DNAH11: variants seen among roughly 807,000 people sequenced by gnomAD.
DNAH11 encodes dynein axonemal heavy chain 11.
In DNAH11, 442 loss-of-function variants were observed where a neutral mutation model predicts 526.0. That is an observed-to-expected ratio of 0.84 (90% CI 0.78 to 0.91). DNAH11 has a LOEUF of 0.91. Among genes scored for constraint, DNAH11 ranks in the 40% least tolerant of loss-of-function variants. DNAH11 has a pLI of 0.00. For synonymous variants in DNAH11, 2,461 were observed against 1,935.9 expected, an observed-to-expected ratio of 1.27 and a Z score of -7.12; for missense variants, 6,989 against 5,448.7, an observed-to-expected ratio of 1.28 and a Z score of -8.90.
chr7:21,649,260 A>G (rs1303579549), intron 28 of DNAH11, among the ~76,000 whole-genome samples: 2 of 152,236 alleles, frequency 1.3e-5, no homozygotes, highest in Non-Finnish European at 2.9e-5. Context: ...AATATATCAT[A>G]CATTTTTATC....
intron 56 of DNAH11, among the ~76,000 whole-genome samples, chr7:21,776,224 C>T (rs1228761497): frequency 6.6e-6 from 1 of 152,112 alleles, no homozygotes; most frequent in African/African-American, 2.4e-5. Context: ...TGTAAAGACA[C>T]AAGACATCTT....
Position 21,735,759 on chromosome 7 carries a change from A to T in DNAH11, c.7560A>T (p.Val2520=), listed in dbSNP as rs765582248. 6.2e-7 allele frequency: 1 copy of T among 1,614,018 alleles called. No individual in the cohort carries two copies. The highest frequency in any genetic ancestry group is 1.3e-5 in the African/African-American group (1 of 75,066). The change falls in exon 46 of 82, where the codon GTA becomes GTT. Residue 2520 remains valine, a synonymous_variant. Coordinates refer to ENST00000409508, the MANE Select transcript of DNAH11 (RefSeq NM_001277115.2). ...CAGGAGTGGGAAAAACAGTCTTTGT[A>T]GGTGACACATTGGCAAGTCTCTCTG... The part of the protein sequence containing the change: ...GNAGVGKTVF[V]GDTLASLSED...
intron 70 of DNAH11, among the ~76,000 whole-genome samples, chr7:21,864,938 A>G (rs1783216604): frequency 6.6e-6 from 1 of 152,228 alleles, no homozygotes; most frequent in African/African-American, 2.4e-5. Flanking sequence ...ATACAAATGA[A>G]TATTTTTAAA....
At position 21,598,747 on chromosome 7, in the gene DNAH11, C is replaced by T. The variant is rs1784959989; in HGVS notation, c.2668-1040C>T. Among the ~76,000 whole-genome samples, 11 of 152,266 alleles carry T rather than the reference C, an allele frequency of 7.2e-5. 1 individual carries two copies. The South Asian group carries it at 2.3e-3, about 32-fold the overall frequency. On this transcript the variant is annotated intron_variant, in intron 14 of 81. Transcript: ENST00000409508. The stretch of plus-strand genomic sequence containing the variant: ...ATCCTCTCCCTCCTTCCAATCCTTA[C>T]CCTCCTTTAGATCCCAGTGTGTGTT...
chr7:21,674,571 C>T (rs1040251320), intron 30 of DNAH11, among the ~76,000 whole-genome samples: 3 of 152,130 alleles, frequency 2.0e-5, no homozygotes, highest in Non-Finnish European at 2.9e-5. Context: ...CCATGTTGAC[C>T]AGGCCTGTAA....
At chr7:21,892,746 A>C in intron 77 of DNAH11, 79 bp downstream of exon 77, 2 of 1,441,866 alleles carry the variant, frequency 1.4e-6, no homozygotes, top group South Asian at 2.9e-5. Context: ...TTAATTGTGC[A>C]AATCAATAAG....
At chr7:21,619,785 T>G (rs770028120) in intron 24 of DNAH11, among the ~76,000 whole-genome samples, 171 bp from the exon 25 acceptor site, 19 of 152,188 alleles carry the variant, frequency 1.2e-4, no homozygotes, top group Non-Finnish European at 2.4e-4. Flanking sequence ...GTGATAAAAT[T>G]CATTCTTCAA....
intron 2 of DNAH11, among the ~76,000 whole-genome samples, chr7:21,553,205 C>G (rs1287289683): frequency 1.3e-5 from 2 of 150,570 alleles, no homozygotes; most frequent in African/African-American, 4.9e-5. Flanking sequence ...TTTCCTCCTC[C>G]TCTTTTGGGA....
intron 79 of DNAH11, among the ~76,000 whole-genome samples, chr7:21,898,320 C>T (rs1178780746): frequency 6.6e-6 from 1 of 152,162 alleles, no homozygotes; most frequent in Non-Finnish European, 1.5e-5. Context: ...TAGGTCCGGG[C>T]ACAGAGATTT....
intron 14 of DNAH11, among the ~76,000 whole-genome samples, chr7:21,598,566 C>G (rs1784952028): frequency 6.7e-6 from 1 of 150,328 alleles, no homozygotes; most frequent in Non-Finnish European, 1.5e-5. Context: ...CCACAGGTTG[C>G]TTATCATAGA....
chr7:21,759,046 C>T (rs1050924759), intron 54 of DNAH11, among the ~76,000 whole-genome samples: 5 of 152,118 alleles, frequency 3.3e-5, no homozygotes, highest in African/African-American at 9.7e-5. Flanking sequence ...AAAACTTATA[C>T]GTTGTTATGG....
At chr7:21,715,663 G>T (rs1398652570) in intron 42 of DNAH11, among the ~76,000 whole-genome samples, 1 of 151,956 alleles carries the variant, frequency 6.6e-6, no homozygotes, top group Non-Finnish European at 1.5e-5. Flanking sequence ...GCAGCTCTGT[G>T]GCTTCAGTGT....
At chr7:21,735,056 A>G (rs944798823) in intron 45 of DNAH11, among the ~76,000 whole-genome samples, 3 of 144,924 alleles carry the variant, frequency 2.1e-5, no homozygotes, top group Non-Finnish European at 4.6e-5. Context: ...TGTAGTCCCA[A>G]CTACTCAGGA....
Position 21,545,141 on chromosome 7 carries a change from CT to C in DNAH11, c.489del (p.Asp164MetfsTer4). ...ALSLGHVSAF[L>X]DEILVPVLSN... ...GTCTCTTGGACATGTATCTGCTTTC[CT>C]TGATGAGGTACTGGTCTGTCTTTAA... On this transcript the variant is annotated frameshift_variant, in exon 2 of 82. Transcript: ENST00000409508. LOFTEE classifies it high-confidence loss of function. 1 of 1,609,124 alleles carries C rather than the reference CT, an allele frequency of 6.2e-7. No homozygotes were observed. Among genetic ancestry groups the C allele is most frequent in the Non-Finnish European group, 8.5e-7 (1 of 1,177,626 alleles).
chr7:21,765,389 TCAC>T, intron 54 of DNAH11, 36 bp from the exon 55 acceptor site: 3 of 1,612,550 alleles, frequency 1.9e-6, no homozygotes, highest in Non-Finnish European at 2.5e-6. Flanking sequence ...TGCTCATTCA[TCAC>T]CCGCCTGTTT....
intron 30 of DNAH11, among the ~76,000 whole-genome samples, chr7:21,678,053 T>G (rs1782974823): frequency 6.6e-6 from 1 of 152,188 alleles, no homozygotes; most frequent in African/African-American, 2.4e-5. Flanking sequence ...TTTCTGTTGA[T>G]GTACAGAAAC....
At chr7:21,644,969 A>G (rs958661198) in intron 28 of DNAH11, among the ~76,000 whole-genome samples, 1 of 152,236 alleles carries the variant, frequency 6.6e-6, no homozygotes, top group Non-Finnish European at 1.5e-5. Flanking sequence ...CTGTACAACA[A>G]TATGCACAAT....
rs1009855234 is a variant in DNAH11, at chr7:21,806,813, A to G, written c.10166-1070A>G. On this transcript the variant is annotated intron_variant, in intron 62 of 81. Transcript: ENST00000409508. ...TTTATTGCAGTTTTATTCAAATCCA[A>G]TATTAAGGGCTTCACATACTTAACC... 2.6e-5 allele frequency among the ~76,000 whole-genome samples: 4 copies of G among 152,194 alleles called. No homozygotes were observed. The East Asian group carries it at 7.7e-4, about 29-fold the overall frequency.
intron 3 of DNAH11, 37 bp from the exon 4 acceptor site, chr7:21,559,566 T>TTGGATAA (rs746574838): frequency 6.8e-7 from 1 of 1,480,656 alleles, no homozygotes; most frequent in Non-Finnish European, 9.2e-7. Context: ...ATAAAATGAT[T>TTGGATAA]CATCTTTGAA....
Sources: allele counts gnomAD v4.1 joint callset (sites outside exome capture counted in the v4.1 genomes callset), GRCh38; gene constraint gnomAD v4.1.1; transcripts MANE v1.5; gene names NCBI Gene and HGNC (gene_info 2026-07-23, HGNC 2026-07-21).